Variants in SCEL observed in about 807,000 individuals in gnomAD.
SCEL encodes the protein sciellin.
Under a neutral mutation model 117.6 loss-of-function variants are expected in SCEL, and 113 were observed. The ratio of observed to expected loss-of-function variants is 0.96; its 90% CI spans 0.83 to 1.12. The LOEUF (loss-of-function observed/expected upper bound fraction) is 1.12, where lower values mean the gene tolerates loss of function less well. Among genes scored for constraint, SCEL ranks in the 50% most tolerant of loss-of-function variants. The pLI, the probability that SCEL is intolerant of heterozygous loss-of-function variation, is 0.00. For synonymous variants in SCEL, 270 were observed against 256.2 expected (o/e 1.05, Z -0.51); for missense variants, 785 against 810.8 (o/e 0.97, Z 0.39).
At chr13:77,539,952 T>C (rs981704951) in intron 1 of SCEL, among the ~76,000 whole-genome samples, 3 of 152,148 alleles carry the variant, frequency 2.0e-5, no homozygotes, top group Non-Finnish European at 4.4e-5. Flanking sequence ...TAAAAATGTA[T>C]GTATCAGAAA....
At chr13:77,548,827 T>C (rs2084138924) in intron 1 of SCEL, among the ~76,000 whole-genome samples, 1 of 152,186 alleles carries the variant, frequency 6.6e-6, no homozygotes, top group African/African-American at 2.4e-5. Context: ...TTGTGAGGTC[T>C]CCCCAGACAT....
At chr13:77,599,811 G>C in intron 15 of SCEL, 63 bp downstream of exon 15, 1 of 1,162,952 alleles carries the variant, frequency 8.6e-7, no homozygotes, top group Non-Finnish European at 1.3e-6. Context: ...TTTTCTGGAG[G>C]AGACCTCCTG....
rs1284395542 is a variant in SCEL at position 77,644,280 on chromosome 13, G to A, written c.*6G>A. ...CAGCAAAGTGGATTCCATAACTCTG[G>A]CACAAGGAAATCAAGATGAAAAGCA... On this transcript the variant is annotated 3_prime_UTR_variant, in exon 33 of 33. Coordinates refer to ENST00000349847, the MANE Select transcript of SCEL (RefSeq NM_144777.3). The A allele has an allele frequency of 1.9e-6, 3 of 1,612,612 alleles. No individual in the cohort carries two copies. In the South Asian group the frequency reaches 3.3e-5, roughly 18 times the overall value.
chr13:77,613,823 A>T, intron 23 of SCEL, 70 bp from the exon 24 acceptor site: 2 of 1,164,448 alleles, frequency 1.7e-6, no homozygotes, highest in Non-Finnish European at 2.6e-6. Context: ...CTATTGAATG[A>T]CTTGCACCTG....
chr13:77,584,192 A>G (rs1309894422), intron 9 of SCEL, among the ~76,000 whole-genome samples: 2 of 152,142 alleles, frequency 1.3e-5, no homozygotes, highest in Non-Finnish European at 2.9e-5. Context: ...CGTTCTGGCC[A>G]CAGCTTCCTG....
Position 77,583,113 on chromosome 13 carries a change from A to G in SCEL, c.546-6031A>G, listed in dbSNP as rs11842280. On this transcript the variant is annotated intron_variant, in intron 9 of 32. Transcript: ENST00000349847. Reference sequence around the variant, plus strand: ...CAGCATCTACATACCTTTAAAAAGCACAGTACATGAACGTCAAGGTACTTG... The same window carrying G: ...CAGCATCTACATACCTTTAAAAAGCGCAGTACATGAACGTCAAGGTACTTG... Among the ~76,000 whole-genome samples the G allele has an allele frequency of 9.1e-3, 1,388 of 152,310 alleles. 28 individuals are homozygous for G. The highest frequency in any genetic ancestry group is 0.031 in the African/African-American group (1,282 of 41,546).
intron 18 of SCEL, 86 bp downstream of exon 18, chr13:77,603,221 GT>G: frequency 1.4e-6 from 1 of 740,572 alleles, no homozygotes; most frequent in Non-Finnish European, 2.2e-6. Flanking sequence ...CTTCATAATC[GT>G]GTTTTATTAG....
chr13:77,540,467 C>T (rs754614340), intron 1 of SCEL, among the ~76,000 whole-genome samples: 11 of 152,128 alleles, frequency 7.2e-5, no homozygotes, highest in Non-Finnish European at 1.6e-4. Context: ...GCTCATAACT[C>T]AGCCTGGGGA....
rs747848328 is a variant in SCEL, at chr13:77,599,765, A to G, written c.917+17A>G. The G allele has an allele frequency of 2.5e-6, 4 of 1,571,198 alleles. No individual in the cohort carries two copies. Among genetic ancestry groups the G allele is most frequent in the South Asian group, 2.2e-5 (2 of 90,204 alleles). On this transcript the variant is annotated intron_variant, in intron 15 of 32. Coordinates refer to ENST00000349847, the MANE Select transcript of SCEL (RefSeq NM_144777.3). Reference sequence around the variant, plus strand: ...TGGCAAAGGGTAAGATTTTATTAAGACAGACCATTTTGATTGAGTCCCAGA... The same window carrying G: ...TGGCAAAGGGTAAGATTTTATTAAGGCAGACCATTTTGATTGAGTCCCAGA...
chr13:77,601,666 AT>A (rs571635237), intron 15 of SCEL, among the ~76,000 whole-genome samples: 9 of 152,374 alleles, frequency 5.9e-5, no homozygotes, highest in Admixed American at 5.2e-4. Flanking sequence ...TTCTCAAAGT[AT>A]TTAGACTTAA....
chr13:77,617,543 C>A, intron 24 of SCEL, 56 bp from the exon 25 acceptor site: 2 of 1,049,630 alleles, frequency 1.9e-6, no homozygotes, highest in Non-Finnish European at 1.4e-6. Context: ...TTCCAATTAC[C>A]TTAAACCTGT....
intron 29 of SCEL, 110 bp downstream of exon 29, chr13:77,634,560 C>G: frequency 1.5e-6 from 1 of 676,468 alleles, no homozygotes; most frequent in Non-Finnish European, 2.5e-6. Flanking sequence ...AATAGAAGAC[C>G]GTTTATAAGT....
chr13:77,584,028 G>A (rs1388502098), intron 9 of SCEL, among the ~76,000 whole-genome samples: 1 of 152,204 alleles, frequency 6.6e-6, no homozygotes, highest in East Asian at 1.9e-4. Context: ...AGCCACTAGT[G>A]TGGTGGCATA....
chr13:77,579,617 G>A (rs1240130983), intron 9 of SCEL, among the ~76,000 whole-genome samples: 1 of 152,196 alleles, frequency 6.6e-6, no homozygotes, highest in Non-Finnish European at 1.5e-5. Flanking sequence ...TTTTGAGCCA[G>A]GATTGTTAAA....
intron 9 of SCEL, among the ~76,000 whole-genome samples, chr13:77,585,984 A>T (rs928326696): frequency 3.3e-5 from 5 of 151,988 alleles, no homozygotes; most frequent in African/African-American, 7.3e-5. Flanking sequence ...TTTGCTTCTC[A>T]TCACCACCTG....
At chr13:77,619,358 TAGA>T (rs892690792) in intron 27 of SCEL, among the ~76,000 whole-genome samples, 2 of 152,158 alleles carry the variant, frequency 1.3e-5, no homozygotes, top group African/African-American at 4.8e-5. Flanking sequence ...CCCTATTTTG[TAGA>T]AGAAGAAACT....
intron 31 of SCEL, 27 bp downstream of exon 31, chr13:77,640,811 T>G: frequency 1.7e-6 from 2 of 1,167,480 alleles, no homozygotes; most frequent in Non-Finnish European, 2.5e-6. Flanking sequence ...TTCACTTAAT[T>G]AAATAAAAAA....
intron 20 of SCEL, among the ~76,000 whole-genome samples, chr13:77,608,502 C>T (rs965165560): frequency 1.1e-4 from 17 of 151,922 alleles, no homozygotes; most frequent in African/African-American, 1.5e-4. Flanking sequence ...TGGGAGGCTG[C>T]GACAGGAGAA....
intron 28 of SCEL, among the ~76,000 whole-genome samples, chr13:77,630,341 G>A (rs952490020): frequency 5.3e-5 from 8 of 152,048 alleles, no homozygotes; most frequent in Non-Finnish European, 1.0e-4. Flanking sequence ...ATTTCATAGG[G>A]CCATTTCACA....
Sources: gnomAD v4.1 joint callset for allele counts (sites outside exome capture counted in the v4.1 genomes callset) on GRCh38, gnomAD v4.1.1 for gene constraint, MANE v1.5 for transcripts, NCBI Gene and HGNC (gene_info 2026-07-23, HGNC 2026-07-21) for gene names.